The following SFXN1 variants were observed in gnomAD, a reference collection of about 807,000 sequenced individuals.
SFXN1 encodes the protein sideroflexin-1.
Under a neutral mutation model 39.5 loss-of-function variants are expected in SFXN1, and 32 were observed. The observed-to-expected ratio is 0.81, with a 90% CI of 0.61 to 1.09. The LOEUF (loss-of-function observed/expected upper bound fraction) is 1.09, where lower values mean the gene tolerates loss of function less well. Ranked by LOEUF, SFXN1 falls within the 50% of genes least tolerant of loss-of-function variation. SFXN1 has a pLI of 0.00. For missense variants in SFXN1, 402 were observed against 407.1 expected (o/e 0.99, Z 0.11); for synonymous variants, 136 against 146.5 (o/e 0.93, Z 0.52).
intron 2 of SFXN1, among the ~76,000 whole-genome samples, chr5:175,497,538 T>C (rs1759899275): frequency 3.3e-5 from 5 of 152,314 alleles, no homozygotes; most frequent in East Asian, 1.9e-4. Context: ...GATAAAGATA[T>C]AGTGAATGCC....
At chr5:175,482,767 C>G (rs961503695) in intron 1 of SFXN1, among the ~76,000 whole-genome samples, 3 of 152,128 alleles carry the variant, frequency 2.0e-5, no homozygotes, top group African/African-American at 7.2e-5. Flanking sequence ...AGTAATTCAC[C>G]CAGTCACATG....
rs1243912680 is a variant in SFXN1, at chr5:175,526,719, C to T, written c.954C>T (p.Phe318=). The T allele has an allele frequency of 1.2e-6, 2 of 1,614,062 alleles. No homozygotes were observed. Among genetic ancestry groups the T allele is most frequent in the South Asian group, 2.2e-5 (2 of 91,088 alleles). The change falls in exon 11 of 11, where the codon TTC becomes TTT. Residue 318 remains phenylalanine (F), a synonymous_variant. Transcript: ENST00000321442. ...ESHPELRRVY[F]NKGL ...ATCCTGAATTGCGACGCGTGTACTT[C>T]AATAAGGGATTGTAAAGCAGGGAGG...
At chr5:175,479,617 C>T (rs975176924) in intron 1 of SFXN1, among the ~76,000 whole-genome samples, 1 of 152,090 alleles carries the variant, frequency 6.6e-6, no homozygotes, top group Non-Finnish European at 1.5e-5. Flanking sequence ...GTGAACAGGG[C>T]CTATTTTGTG....
Position 175,526,840 on chromosome 5 carries a change from T to A in SFXN1, c.*106T>A, listed in dbSNP as rs1761079807. The stretch of plus-strand genomic sequence containing the variant: ...CTGGGTTCTCCCAGTTACGGAAACC[T>A]TTTAAAGATCCACATTAGCCTTTTA... On this transcript the variant is annotated 3_prime_UTR_variant, in exon 11 of 11. Coordinates refer to ENST00000321442, the MANE Select transcript of SFXN1 (RefSeq NM_022754.7). 2 of 914,836 alleles carry A rather than the reference T, an allele frequency of 2.2e-6. No homozygotes were observed. The highest frequency in any genetic ancestry group is 2.9e-5 in the South Asian group (2 of 68,190). 56.7% of individuals were successfully genotyped at this position (914,836 alleles called of 1,614,324 possible).
At chr5:175,503,905 G>T (rs1760184047) in intron 2 of SFXN1, among the ~76,000 whole-genome samples, 1 of 149,308 alleles carries the variant, frequency 6.7e-6, no homozygotes, top group African/African-American at 2.5e-5. Flanking sequence ...TCGGGAGGCT[G>T]AGGCAGGAGA....
chr5:175,497,454 C>T (rs1759897096), intron 2 of SFXN1, among the ~76,000 whole-genome samples: 1 of 152,102 alleles, frequency 6.6e-6, no homozygotes, highest in Non-Finnish European at 1.5e-5. Context: ...CATTAAAAAG[C>T]AGGACAAAGG....
chr5:175,498,953 C>T lies in SFXN1; in HGVS notation c.164+6686C>T, dbSNP rs552352232. Among the ~76,000 whole-genome samples, 311 of 152,088 alleles carry T rather than the reference C, an allele frequency of 2.0e-3. 1 individual carries two copies. Among genetic ancestry groups the T allele is most frequent in the Non-Finnish European group, 3.2e-3 (216 of 68,010 alleles). On this transcript the variant is annotated intron_variant, in intron 2 of 10. Transcript: ENST00000321442. ...TACACAGGTAAAGAAAGAATTTTTT[C>T]ACAGGAAGAATATCAAACCAGCCAG...
chr5:175,498,992 C>T (rs929750777), intron 2 of SFXN1, among the ~76,000 whole-genome samples: 12 of 152,274 alleles, frequency 7.9e-5, no homozygotes, highest in Middle Eastern at 6.8e-3. Context: ...CAATGGCTCA[C>T]GCCTGTAATC....
chr5:175,524,126 ATATATATATATATAT>A (rs1334591816), intron 10 of SFXN1: 14 of 20,268 alleles, frequency 6.9e-4, no homozygotes, highest in Non-Finnish European at 8.2e-4. Context: ...AAAAAAAAAA[ATATATATATATATAT>A]ATATATATAT....
chr5:175,509,438 T>C lies in SFXN1; in HGVS notation c.335+236T>C, dbSNP rs1581307113. ...ATTGAAGACAATAAAAAACAAAAAA[T>C]GGGGTATTATTGATGTAAAAGAAAA... On this transcript the variant is annotated intron_variant, in intron 3 of 10. Coordinates refer to ENST00000321442, the MANE Select transcript of SFXN1 (RefSeq NM_022754.7). 3.3e-5 allele frequency: 10 copies of C among 302,614 alleles called. No homozygotes were observed. The East Asian group carries it at 5.5e-4, about 17-fold the overall frequency. 18.7% of individuals were successfully genotyped at this position (302,614 alleles called of 1,614,324 possible).
At chr5:175,516,785 C>T (rs1213191892) in intron 8 of SFXN1, 122 bp downstream of exon 8, 9 of 895,328 alleles carry the variant, frequency 1.0e-5, no homozygotes, top group African/African-American at 1.7e-5. Context: ...TGGGCTCTTA[C>T]GTAAATAAAA....
intron 1 of SFXN1, among the ~76,000 whole-genome samples, chr5:175,479,840 C>T (rs1759165290): frequency 6.6e-6 from 1 of 152,180 alleles, no homozygotes; most frequent in Non-Finnish European, 1.5e-5. Flanking sequence ...GCGTTGACTT[C>T]TAGATTTTGA....
chr5:175,512,200 A>G lies in SFXN1; in HGVS notation c.596+4A>G, dbSNP rs766871469. ...ATATTCCATTAATGAGGCAAAGGTA[A>G]GACGAATATGCACTCTTAGTAGGGA... On this transcript the variant is annotated splice_donor_region_variant and intron_variant, in intron 6 of 10. Coordinates refer to ENST00000321442, the MANE Select transcript of SFXN1 (RefSeq NM_022754.7). 1.2e-6 allele frequency: 2 copies of G among 1,613,342 alleles called. No homozygotes were observed. The highest frequency in any genetic ancestry group is 3.3e-5 in the Admixed American group (2 of 60,024).
chr5:175,517,358 CT>C (rs1760742362), intron 8 of SFXN1, among the ~76,000 whole-genome samples: 1 of 151,974 alleles, frequency 6.6e-6, no homozygotes, highest in African/African-American at 2.4e-5. Flanking sequence ...GCTGCCATGC[CT>C]ACTCTTCCCA....
At chr5:175,487,768 C>G (rs1377035978) in intron 1 of SFXN1, among the ~76,000 whole-genome samples, 2 of 152,214 alleles carry the variant, frequency 1.3e-5, no homozygotes, top group Admixed American at 1.3e-4. Flanking sequence ...CACTTGCTGC[C>G]TCCTGGGTGC....
chr5:175,494,598 A>G (rs1759786412), intron 2 of SFXN1, among the ~76,000 whole-genome samples: 1 of 152,002 alleles, frequency 6.6e-6, no homozygotes. Context: ...AAAAAGTACA[A>G]AAAATTAGCT....
intron 1 of SFXN1, among the ~76,000 whole-genome samples, chr5:175,485,249 C>T (rs569093569): frequency 6.6e-6 from 1 of 152,308 alleles, no homozygotes; most frequent in South Asian, 2.1e-4. Flanking sequence ...TATTCATTTC[C>T]TATTGCTGTT....
intron 10 of SFXN1, 189 bp downstream of exon 10, chr5:175,522,611 C>G (rs879723388): frequency 7.7e-6 from 4 of 517,632 alleles, no homozygotes; most frequent in Non-Finnish European, 1.4e-5. Flanking sequence ...CAGATGCACC[C>G]AGCTCTTTTC....
At chr5:175,481,730 C>T (rs1287010777) in intron 1 of SFXN1, among the ~76,000 whole-genome samples, 2 of 152,218 alleles carry the variant, frequency 1.3e-5, no homozygotes, top group African/African-American at 4.8e-5. Flanking sequence ...GCAGGCCCAA[C>T]GTCTCCATGC....
Sources: allele counts gnomAD v4.1 joint callset (sites outside exome capture counted in the v4.1 genomes callset), GRCh38; gene constraint gnomAD v4.1.1; transcripts MANE v1.5; gene names NCBI Gene and HGNC (gene_info 2026-07-23, HGNC 2026-07-21).